The following GALNT13 variants were observed in gnomAD, a reference collection of about 807,000 sequenced individuals.
GALNT13 encodes UDP-GalNAc:polypeptide N-acetylgalactosaminyltransferase 13.
GALNT13 carries 28 observed loss-of-function variants against 64.2 expected under a neutral mutation model. The observed-to-expected ratio is 0.44, with a 90% confidence interval of 0.32 to 0.60. The LOEUF (loss-of-function observed/expected upper bound fraction) is 0.60, where lower values mean the gene tolerates loss of function less well. GALNT13 is among the 20% of genes least tolerant of loss of function. The pLI is 0.05. For missense variants in GALNT13, 577 were observed against 669.8 expected (o/e 0.86, Z 1.53); for synonymous variants, 214 against 224.6 (o/e 0.95, Z 0.42).
chr2:153,799,061 T>G, the GALNT13 span, among the ~76,000 whole-genome samples: 2 of 152,106 alleles, frequency 1.3e-5, no homozygotes, highest in African/African-American at 4.8e-5. Flanking sequence ...AAATGCAAGC[T>G]CACTGGCTGC....
chr2:153,885,498 A>G (rs1489756943), intron 1 of GALNT13, among the ~76,000 whole-genome samples: 1 of 152,142 alleles, frequency 6.6e-6, no homozygotes, highest in East Asian at 1.9e-4. Context: ...ACATTACAAG[A>G]TGATTGTTTA....
At chr2:154,375,467 T>C in intron 9 of GALNT13, among the ~76,000 whole-genome samples, 1 of 152,136 alleles carries the variant, frequency 6.6e-6, no homozygotes, top group Admixed American at 6.5e-5. Flanking sequence ...AGAGTGTCCT[T>C]CTTTGCTCAT....
chr2:153,186,615 C>A, the GALNT13 span, among the ~76,000 whole-genome samples: 1 of 151,600 alleles, frequency 6.6e-6, no homozygotes. Context: ...GTTGCCCAGG[C>A]TGGAGTGCAG....
At chr2:153,545,181 A>T in the GALNT13 span, among the ~76,000 whole-genome samples, 1 of 152,134 alleles carries the variant, frequency 6.6e-6, no homozygotes, top group Non-Finnish European at 1.5e-5. Flanking sequence ...GGCAGTCCAC[A>T]GCCGGTGAGG....
chr2:154,279,393 C>T (rs990097292), intron 8 of GALNT13, among the ~76,000 whole-genome samples: 3 of 152,154 alleles, frequency 2.0e-5, no homozygotes, highest in Admixed American at 6.5e-5. Context: ...TGAGACATTT[C>T]GAGGTAGAAA....
the GALNT13 span, among the ~76,000 whole-genome samples, chr2:153,199,138 C>T: frequency 6.6e-5 from 10 of 152,190 alleles, no homozygotes; most frequent in South Asian, 2.1e-4. Context: ...TTTCTTGGGT[C>T]GGCCCTGGTT....
chr2:154,097,174 T>C (rs1702117322), intron 3 of GALNT13, among the ~76,000 whole-genome samples: 1 of 152,026 alleles, frequency 6.6e-6, no homozygotes, highest in Non-Finnish European at 1.5e-5. Context: ...AATGAAGTGT[T>C]ATCGAGTGCT....
At chr2:153,090,462 G>A in the GALNT13 span, among the ~76,000 whole-genome samples, 16 of 151,762 alleles carry the variant, frequency 1.1e-4, no homozygotes, top group Admixed American at 3.9e-4. Flanking sequence ...GTACACACTC[G>A]GGACCTCTGG....
the GALNT13 span, among the ~76,000 whole-genome samples, chr2:153,761,021 A>G: frequency 6.6e-6 from 1 of 152,248 alleles, no homozygotes; most frequent in African/African-American, 2.4e-5. Context: ...TTTAAAGCCT[A>G]CTTTAAGTAT....
At chr2:154,228,341 G>A (rs1389871760) in intron 4 of GALNT13, among the ~76,000 whole-genome samples, 1 of 151,956 alleles carries the variant, frequency 6.6e-6, no homozygotes. Flanking sequence ...TACTGCTTTG[G>A]TCCTGAGCTC....
At chr2:153,590,271 C>T in the GALNT13 span, among the ~76,000 whole-genome samples, 2 of 152,056 alleles carry the variant, frequency 1.3e-5, no homozygotes, top group African/African-American at 4.8e-5. Context: ...CATACAACCT[C>T]TCAAGATTGA....
intron 3 of GALNT13, among the ~76,000 whole-genome samples, chr2:154,069,178 T>G (rs1044214028): frequency 6.6e-6 from 1 of 152,032 alleles, no homozygotes; most frequent in South Asian, 2.1e-4. Context: ...TAGACAAAAC[T>G]GAATGCATTT....
At chr2:154,385,567 T>A (rs1008714135) in intron 9 of GALNT13, among the ~76,000 whole-genome samples, 1 of 152,006 alleles carries the variant, frequency 6.6e-6, no homozygotes, top group African/African-American at 2.4e-5. Flanking sequence ...CCATTCAAAG[T>A]CTTAATTCTT....
At chr2:153,223,575 C>G in the GALNT13 span, among the ~76,000 whole-genome samples, 1 of 152,080 alleles carries the variant, frequency 6.6e-6, no homozygotes, top group East Asian at 1.9e-4. Context: ...CAAAACAGTT[C>G]TAAGAACAGG....
chr2:154,412,576 T>C (rs938264016), intron 11 of GALNT13, among the ~76,000 whole-genome samples: 2 of 151,746 alleles, frequency 1.3e-5, no homozygotes, highest in African/African-American at 2.4e-5. Flanking sequence ...TCAACAATTA[T>C]ACCTTAACCA....
At chr2:154,195,325 C>G (rs1179908636) in intron 4 of GALNT13, among the ~76,000 whole-genome samples, 2 of 152,118 alleles carry the variant, frequency 1.3e-5, no homozygotes, top group Non-Finnish European at 2.9e-5. Flanking sequence ...AGTTACAGTG[C>G]TATTAAAAAC....
the GALNT13 span, among the ~76,000 whole-genome samples, chr2:153,260,908 C>T: frequency 1.3e-5 from 2 of 150,972 alleles, 1 homozygote; most frequent in Non-Finnish European, 2.9e-5. Flanking sequence ...TTTTTGTCTC[C>T]CCTAGCTATG....
chr2:153,965,724 T>C (rs1446275846), intron 3 of GALNT13, among the ~76,000 whole-genome samples: 1 of 151,764 alleles, frequency 6.6e-6, no homozygotes, highest in Non-Finnish European at 1.5e-5. Context: ...ATAAGACTTG[T>C]AGATATTATC....
chr2:153,699,935 C>A, the GALNT13 span, among the ~76,000 whole-genome samples: 2 of 152,190 alleles, frequency 1.3e-5, no homozygotes, highest in African/African-American at 4.8e-5. Flanking sequence ...AGTACCATTT[C>A]TTCTGAAACT....
Sources: allele counts gnomAD v4.1 joint callset (sites outside exome capture counted in the v4.1 genomes callset), GRCh38; gene constraint gnomAD v4.1.1; transcripts MANE v1.5; gene names NCBI Gene and HGNC (gene_info 2026-07-23, HGNC 2026-07-21).